Variants in ELP1 observed in about 807,000 individuals in gnomAD.
ELP1 encodes the protein elongator acetyltransferase complex subunit 1.
A neutral mutation model predicts 183.2 loss-of-function variants in ELP1; 131 were observed. The ratio of observed to expected loss-of-function variants is 0.72; its 90% CI spans 0.62 to 0.83. The LOEUF is 0.83. Ranked by LOEUF, ELP1 falls within the 40% of genes least tolerant of loss-of-function variation. ELP1 has a pLI of 0.00. For synonymous variants in ELP1, 555 were observed against 569.0 expected, an observed-to-expected ratio of 0.98 and a Z score of 0.35; for missense variants, 1,550 against 1,594.9, an observed-to-expected ratio of 0.97 and a Z score of 0.48.
Position 108,901,625 on chromosome 9 carries a change from T to A in ELP1, c.1908+3A>T, listed in dbSNP as rs748753873. The A allele has an allele frequency of 6.2e-7, 1 of 1,614,152 alleles. No individual in the cohort carries two copies. Among genetic ancestry groups the A allele is most frequent in the South Asian group, 1.1e-5 (1 of 91,088 alleles). On this transcript the variant is annotated splice_donor_region_variant and intron_variant, in intron 17 of 36. Coordinates refer to ENST00000374647, the MANE Select transcript of ELP1 (RefSeq NM_003640.5). The stretch of plus-strand genomic sequence containing the variant: ...GATCCAACACCAAACCAAGCCTTGA[T>A]ACCTCAATGTCATTGATGAAAAAGC...
At position 108,879,506 on chromosome 9, in the gene ELP1, C is replaced by T. The variant is rs775190677; in HGVS notation, c.3512G>A (p.Ser1171Asn). The change falls in exon 33 of 37, where the codon AGT (serine) becomes AAT (asparagine). Residue 1171 changes from serine to asparagine, a missense_variant. By Grantham distance (46) the Ser-to-Asn change is conservative (BLOSUM62 1). Coordinates refer to ENST00000374647, the MANE Select transcript of ELP1 (RefSeq NM_003640.5). ...QESDLFSETS[S>N]VVSGSEMSGK... Reference sequence around the variant, plus strand: ...ACTCATCTCACTGCCACTCACGACACTGCTAGTTTCAGAGAAGAGGTCTGA... The same window carrying T: ...ACTCATCTCACTGCCACTCACGACATTGCTAGTTTCAGAGAAGAGGTCTGA... 1 of 1,614,156 alleles carries T rather than the reference C, an allele frequency of 6.2e-7. No individual in the cohort carries two copies. Among genetic ancestry groups the T allele is most frequent in the East Asian group, 2.2e-5 (1 of 44,878 alleles).
At chr9:108,905,160 G>A (rs1828972000) in intron 14 of ELP1, among the ~76,000 whole-genome samples, 1 of 152,182 alleles carries the variant, frequency 6.6e-6, no homozygotes, top group African/African-American at 2.4e-5. Context: ...ATGAGTCAAA[G>A]AGTAGCAGCA....
chr9:108,875,474 C>A (rs966719909), intron 35 of ELP1, among the ~76,000 whole-genome samples: 2 of 152,210 alleles, frequency 1.3e-5, no homozygotes, highest in African/African-American at 2.4e-5. Context: ...CTGGGCACAC[C>A]CCTGGTTAGT....
chr9:108,931,670 C>A (rs1211752975), intron 1 of ELP1, among the ~76,000 whole-genome samples: 1 of 152,120 alleles, frequency 6.6e-6, no homozygotes, highest in Non-Finnish European at 1.5e-5. Flanking sequence ...TTCACCAGGT[C>A]TATTCATTTA....
chr9:108,933,212 G>A (rs1004366792), intron 1 of ELP1, among the ~76,000 whole-genome samples: 1 of 152,222 alleles, frequency 6.6e-6, no homozygotes, highest in Non-Finnish European at 1.5e-5. Context: ...TTTGGGGACA[G>A]ACCATTTCTA....
At position 108,916,233 on chromosome 9, in the gene ELP1, C is replaced by T. The variant is rs1271832936; in HGVS notation, c.929G>A (p.Arg310Lys). ...GGTTTTCGGAATGGAGCTTTCTTCTCTCTGAAGGTCTTCCAGCCAGACTGC... is the reference window on the plus strand; with the variant it reads ...GGTTTTCGGAATGGAGCTTTCTTCTTTCTGAAGGTCTTCCAGCCAGACTGC... ...VLAVWLEDLQ[R>K]EESSIPKTCV... Residue 310 changes from arginine (R) to lysine (K), a missense_variant, in exon 10 of 37, where the codon AGA (arginine) becomes AAA (lysine). By Grantham distance (26) the Arg-to-Lys change is conservative. Transcript: ENST00000374647. 1 of 1,614,162 alleles carries T rather than the reference C, an allele frequency of 6.2e-7. No individual in the cohort carries two copies. Among genetic ancestry groups the T allele is most frequent in the Non-Finnish European group, 8.5e-7 (1 of 1,179,982 alleles).
rs540669735 is a variant in ELP1 at position 108,892,027 on chromosome 9, G to A, written c.2959-623C>T. Among the ~76,000 whole-genome samples the A allele has an allele frequency of 2.6e-5, 4 of 152,258 alleles. No individual in the cohort carries two copies. The East Asian group carries it at 7.7e-4, about 29-fold the overall frequency. On this transcript the variant is annotated intron_variant, in intron 27 of 36. Coordinates refer to ENST00000374647, the MANE Select transcript of ELP1 (RefSeq NM_003640.5). ...AGAGGTAGCCACTGGCCAAATCCTC[G>A]ATTCTCCAGGCTGGATGTTAGCCAG...
At chr9:108,912,533 G>A (rs1829269184) in intron 10 of ELP1, 39 bp from the exon 11 acceptor site, 1 of 1,464,978 alleles carries the variant, frequency 6.8e-7, no homozygotes, top group Admixed American at 1.7e-5. Flanking sequence ...TAGAGGCTGG[G>A]AAGCAGACTT....
chr9:108,920,903 A>AT (rs1199894653), intron 6 of ELP1, among the ~76,000 whole-genome samples: 1 of 152,084 alleles, frequency 6.6e-6, no homozygotes, highest in Non-Finnish European at 1.5e-5. Flanking sequence ...ATAAACCCTA[A>AT]TTTTGTTAAT....
intron 36 of ELP1, among the ~76,000 whole-genome samples, chr9:108,871,339 G>C (rs7026030): frequency 0.22 from 32,920 of 152,030 alleles, 3,980 homozygotes; most frequent in African/African-American, 0.32. Context: ...TGAACTCATG[G>C]AGTTTGGGGT....
intron 22 of ELP1, among the ~76,000 whole-genome samples, chr9:108,897,822 C>T (rs1321304540): frequency 2.6e-5 from 4 of 152,184 alleles, no homozygotes; most frequent in Non-Finnish European, 5.9e-5. Context: ...TCTAACTTGA[C>T]AGAGGTTCAG....
Position 108,917,642 on chromosome 9 carries a change from G to T in ELP1, c.769C>A (p.Gln257Lys). ...KPSGSLIASTQDKPNQQDIVF... is the reference protein window; with the variant it reads ...KPSGSLIASTKDKPNQQDIVF... ...ATATCCTGCTGGTTGGGTTTATCTT[G>T]TGTAGATGCAATCAAACTGCCTGAG... Residue 257 changes from glutamine to lysine, a missense_variant, in exon 9 of 37, where the codon CAA (glutamine) becomes AAA (lysine). Gln to Lys is a moderately conservative substitution (Grantham distance 53, BLOSUM62 1). Transcript: ENST00000374647. 1 of 1,613,946 alleles carries T rather than the reference G, an allele frequency of 6.2e-7. No individual in the cohort carries two copies. The highest frequency in any genetic ancestry group is 8.5e-7 in the Non-Finnish European group (1 of 1,179,924).
In ELP1 at chr9:108,878,231, C is replaced by G. The variant is rs1024782852; in HGVS notation, c.3701-82G>C. On this transcript the variant is annotated intron_variant, in intron 34 of 36. Coordinates refer to ENST00000374647, the MANE Select transcript of ELP1 (RefSeq NM_003640.5). The stretch of plus-strand genomic sequence containing the variant: ...ATCATACATAGCTTCTATCCAAAGC[C>G]AAAAATTTCTATGATCCCACTGCAG... 2.3e-5 allele frequency: 29 copies of G among 1,243,158 alleles called. No individual in the cohort carries two copies. In the Admixed American group the frequency reaches 5.1e-4, roughly 22 times the overall value. The allele number at this position is 1,243,158 out of a possible 1,614,324, so 77.0% of individuals were successfully genotyped here.
intron 27 of ELP1, among the ~76,000 whole-genome samples, chr9:108,892,180 G>A (rs927714297): frequency 1.3e-5 from 2 of 152,168 alleles, no homozygotes; most frequent in African/African-American, 4.8e-5. Flanking sequence ...CTGCTCTGGG[G>A]GCTCAGTGTT....
intron 6 of ELP1, among the ~76,000 whole-genome samples, chr9:108,920,787 T>A (rs1829617229): frequency 6.6e-6 from 1 of 152,186 alleles, no homozygotes; most frequent in Admixed American, 6.5e-5. Context: ...AGAAAGCCTT[T>A]AGAAAAAGTT....
intron 22 of ELP1, among the ~76,000 whole-genome samples, chr9:108,898,037 C>A (rs1190831668): frequency 6.6e-6 from 1 of 152,078 alleles, no homozygotes; most frequent in Non-Finnish European, 1.5e-5. Context: ...TGTCTACAAA[C>A]AAGATGAATG....
At position 108,885,068 on chromosome 9, in the gene ELP1, G is replaced by A. The variant is rs368644031; in HGVS notation, c.3223-2881C>T. On this transcript the variant is annotated intron_variant, in intron 29 of 36. Transcript: ENST00000374647. ...TGCACTCCAGCCTGAGCAAGAGTGG[G>A]ACCCTGTTTCTTTAAAAAAACAACA... Among the ~76,000 whole-genome samples, 13 of 151,020 alleles carry A rather than the reference G, an allele frequency of 8.6e-5. No individual in the cohort carries two copies. In the East Asian group the frequency reaches 2.3e-3, roughly 27 times the overall value.
At chr9:108,926,442 A>T (rs111522367) in intron 5 of ELP1, 81 bp downstream of exon 5, 1 of 1,036,950 alleles carries the variant, frequency 9.6e-7, no homozygotes. Context: ...TGGCCTAATG[A>T]CATGGCTATT....
chr9:108,871,190 C>T (rs1827442177), intron 36 of ELP1, among the ~76,000 whole-genome samples: 1 of 152,032 alleles, frequency 6.6e-6, no homozygotes, highest in Admixed American at 6.6e-5. Flanking sequence ...TGTCAAGGTT[C>T]TTTTCCATAC....
Sources: gnomAD v4.1 joint callset for allele counts (sites outside exome capture counted in the v4.1 genomes callset) on GRCh38, gnomAD v4.1.1 for gene constraint, MANE v1.5 for transcripts, NCBI Gene and HGNC (gene_info 2026-07-23, HGNC 2026-07-21) for gene names.